Variants in COL25A1 observed in about 807,000 individuals in gnomAD.
COL25A1 encodes the protein collagen type XXV alpha 1 chain.
A neutral mutation model predicts 128.4 loss-of-function variants in COL25A1; 103 were observed. The observed-to-expected ratio is 0.80, with a 90% CI of 0.68 to 0.94. The LOEUF (loss-of-function observed/expected upper bound fraction) is 0.94, where lower values mean the gene tolerates loss of function less well. Among genes scored for constraint, COL25A1 ranks in the 40% least tolerant of loss-of-function variants. COL25A1 has a pLI of 0.00. For missense variants in COL25A1, 745 were observed against 840.0 expected (o/e 0.89, Z 1.40); for synonymous variants, 279 against 277.2 (o/e 1.01, Z -0.06).
At chr4:109,243,368 T>C (rs1410163417) in intron 3 of COL25A1, among the ~76,000 whole-genome samples, 2 of 151,908 alleles carry the variant, frequency 1.3e-5, no homozygotes, top group African/African-American at 4.8e-5. Flanking sequence ...AGAGGGGCCT[T>C]TGGAACAGCT....
chr4:109,159,910 T>C (rs749293594), intron 3 of COL25A1, among the ~76,000 whole-genome samples: 2 of 152,010 alleles, frequency 1.3e-5, no homozygotes, highest in African/African-American at 2.4e-5. Flanking sequence ...ACATATAATA[T>C]AGAGGCAATC....
At position 108,941,374 on chromosome 4, in the gene COL25A1, G is replaced by A; in HGVS notation, c.556C>T (p.Leu186=). 6.2e-7 allele frequency: 1 copy of A among 1,613,510 alleles called. No homozygotes were observed. The highest frequency in any genetic ancestry group is 8.5e-7 in the Non-Finnish European group (1 of 1,179,482). Residue 186 remains leucine, a synonymous_variant, in exon 9 of 38, where the codon CTG becomes TTG. Coordinates refer to ENST00000399132, the MANE Select transcript of COL25A1 (RefSeq NM_198721.4). ...SADQQLIKRR[L]IKGDQGQAGP... Reference sequence around the variant, plus strand: ...GCAAGAATAAGCACTACCTTAATCAGGCGGCGTTTAATGAGCTGCTGATCA... The same window carrying A: ...GCAAGAATAAGCACTACCTTAATCAAGCGGCGTTTAATGAGCTGCTGATCA...
intron 3 of COL25A1, among the ~76,000 whole-genome samples, chr4:109,087,178 A>C (rs1213071836): frequency 1.3e-5 from 2 of 151,642 alleles, no homozygotes; most frequent in African/African-American, 4.9e-5. Context: ...CCATGGCTGG[A>C]CCCCAGCCCT....
chr4:109,206,856 C>CTG (rs1431439137), intron 3 of COL25A1, among the ~76,000 whole-genome samples: 1 of 152,192 alleles, frequency 6.6e-6, no homozygotes, highest in Non-Finnish European at 1.5e-5. Context: ...CTCACGTCTA[C>CTG]TGTCTGCTGT....
chr4:109,190,319 A>C (rs1329096730), intron 3 of COL25A1, among the ~76,000 whole-genome samples: 1 of 152,230 alleles, frequency 6.6e-6, no homozygotes, highest in Non-Finnish European at 1.5e-5. Flanking sequence ...AAAATTTAAG[A>C]GACCAATGCC....
At chr4:108,994,097 G>T (rs1327697612) in intron 6 of COL25A1, among the ~76,000 whole-genome samples, 2 of 152,138 alleles carry the variant, frequency 1.3e-5, no homozygotes, top group Non-Finnish European at 2.9e-5. Flanking sequence ...ATCTCACTGG[G>T]ACTGGTTGGG....
chr4:108,942,003 T>C (rs7677050), intron 8 of COL25A1, among the ~76,000 whole-genome samples: 130,074 of 152,136 alleles, frequency 0.85, 55,985 homozygotes, highest in East Asian at 1. Flanking sequence ...ACCTGTTTGA[T>C]GTCAATATCC....
At chr4:109,172,218 G>A (rs1773654676) in intron 3 of COL25A1, among the ~76,000 whole-genome samples, 1 of 152,088 alleles carries the variant, frequency 6.6e-6, no homozygotes, top group African/African-American at 2.4e-5. Context: ...TGTGCTAAGG[G>A]ATGGGGATAA....
At chr4:108,816,398 A>T (rs1731255662) in intron 37 of COL25A1, among the ~76,000 whole-genome samples, 1 of 152,196 alleles carries the variant, frequency 6.6e-6, no homozygotes, top group African/African-American at 2.4e-5. Context: ...AAAATTACTG[A>T]AGAAGCCACA....
At chr4:109,028,496 G>T (rs929175887) in intron 5 of COL25A1, among the ~76,000 whole-genome samples, 1 of 152,290 alleles carries the variant, frequency 6.6e-6, no homozygotes, top group Middle Eastern at 3.4e-3. Context: ...GGAGGCAAAG[G>T]CAGGCAGATC....
chr4:109,096,296 C>T (rs1286442211), intron 3 of COL25A1, among the ~76,000 whole-genome samples: 1 of 152,172 alleles, frequency 6.6e-6, no homozygotes, highest in East Asian at 1.9e-4. Context: ...TGGTCAATGA[C>T]AGACTGCATT....
At chr4:109,064,653 C>T (rs1414430162) in intron 3 of COL25A1, among the ~76,000 whole-genome samples, 1 of 152,206 alleles carries the variant, frequency 6.6e-6, no homozygotes, top group African/African-American at 2.4e-5. Context: ...GAGCCAGAGA[C>T]CTCCCATGCA....
intron 3 of COL25A1, among the ~76,000 whole-genome samples, chr4:109,091,829 T>C (rs1485958392): frequency 6.6e-6 from 1 of 151,998 alleles, no homozygotes; most frequent in Non-Finnish European, 1.5e-5. Flanking sequence ...ACATCACCAC[T>C]TATTTTGAAG....
intron 3 of COL25A1, among the ~76,000 whole-genome samples, chr4:109,166,325 T>C (rs936982678): frequency 3.9e-5 from 6 of 152,216 alleles, no homozygotes; most frequent in African/African-American, 1.2e-4. Flanking sequence ...CCTTAAAGCT[T>C]TTCCTGTAAA....
chr4:109,236,250 C>T (rs1779473076), intron 3 of COL25A1, among the ~76,000 whole-genome samples: 1 of 151,946 alleles, frequency 6.6e-6, no homozygotes, highest in Non-Finnish European at 1.5e-5. Context: ...GCATTTAAAA[C>T]ATTTAATTTA....
At chr4:109,214,984 G>A (rs1425826671) in intron 3 of COL25A1, among the ~76,000 whole-genome samples, 1 of 152,156 alleles carries the variant, frequency 6.6e-6, no homozygotes, top group Admixed American at 6.6e-5. Flanking sequence ...CAATCTTCCT[G>A]TGTGTCTGGA....
chr4:108,919,371 T>A (rs1316037052), intron 12 of COL25A1, among the ~76,000 whole-genome samples: 1 of 152,160 alleles, frequency 6.6e-6, no homozygotes, highest in Admixed American at 6.5e-5. Flanking sequence ...AGCTTTACAA[T>A]TTCACACCAT....
intron 3 of COL25A1, among the ~76,000 whole-genome samples, chr4:109,197,406 A>T (rs1776153248): frequency 7.9e-6 from 1 of 125,994 alleles, no homozygotes; most frequent in Non-Finnish European, 1.6e-5. Flanking sequence ...TTATATATAA[A>T]ATATATATTA....
intron 4 of COL25A1, 103 bp downstream of exon 4, chr4:109,050,032 C>A: frequency 1.1e-6 from 1 of 882,656 alleles, no homozygotes. Context: ...TAAACACACA[C>A]ATATAACCTC....
Sources: gnomAD v4.1 joint callset for allele counts (sites outside exome capture counted in the v4.1 genomes callset) on GRCh38, gnomAD v4.1.1 for gene constraint, MANE v1.5 for transcripts, NCBI Gene and HGNC (gene_info 2026-07-23, HGNC 2026-07-21) for gene names.